The following SPPL3 variants were observed in gnomAD, a reference collection of about 807,000 sequenced individuals.
SPPL3 encodes signal peptide peptidase-like 3.
SPPL3 carries 5 observed loss-of-function variants against 42.4 expected under a neutral mutation model. The ratio of observed to expected loss-of-function variants is 0.12; its 90% CI spans 0.06 to 0.25. The LOEUF (loss-of-function observed/expected upper bound fraction) is 0.25, where lower values mean the gene tolerates loss of function less well. SPPL3 is among the 10% of genes least tolerant of loss of function. The pLI is 1.00. For missense variants in SPPL3, 235 were observed against 489.0 expected, an observed-to-expected ratio of 0.48 and a Z score of 4.90; for synonymous variants, 195 against 181.8, an observed-to-expected ratio of 1.07 and a Z score of -0.58.
intron 2 of SPPL3, among the ~76,000 whole-genome samples, chr12:120,806,477 T>C (rs1293813414): frequency 1.3e-5 from 2 of 152,120 alleles, no homozygotes; most frequent in African/African-American, 4.8e-5. Context: ...AATTTGTACC[T>C]CATGCCATAC....
rs966130768 is a variant in SPPL3, at chr12:120,903,906, G to T, written c.-39C>A. On this transcript the variant is annotated 5_prime_UTR_variant, in exon 1 of 11. Coordinates refer to ENST00000353487, the MANE Select transcript of SPPL3 (RefSeq NM_139015.5). ...GTGGGCTCCGCTGCAGGCTGTGGCC[G>T]GGCCCGGCGGCGGCGGGCTCGCTCG... The T allele has an allele frequency of 7.5e-7, 1 of 1,341,428 alleles. No homozygotes were observed. The highest frequency in any genetic ancestry group is 9.5e-7 in the Non-Finnish European group (1 of 1,048,182). 83.1% of individuals were successfully genotyped at this position (1,341,428 alleles called of 1,614,324 possible). A position where few individuals can be genotyped will look rare whatever the true frequency, so the allele number is the denominator to read the frequency against.
At chr12:120,789,936 G>A (rs1429180898) in intron 3 of SPPL3, among the ~76,000 whole-genome samples, 1 of 150,468 alleles carries the variant, frequency 6.6e-6, no homozygotes, top group African/African-American at 2.5e-5. Flanking sequence ...GGTAAACTTA[G>A]ACATAATAAT....
intron 1 of SPPL3, among the ~76,000 whole-genome samples, chr12:120,852,105 C>T (rs201979442): frequency 6.6e-6 from 1 of 151,990 alleles, no homozygotes; most frequent in East Asian, 1.9e-4. Context: ...GTGATACCCA[C>T]GAGTTTGAAC....
intron 1 of SPPL3, among the ~76,000 whole-genome samples, chr12:120,894,716 CGGGT>C (rs1873747431): frequency 6.6e-6 from 1 of 151,418 alleles, no homozygotes; most frequent in Non-Finnish European, 1.5e-5. Context: ...GAGGCCGAGG[CGGGT>C]GGATCACCTG....
chr12:120,861,615 T>C (rs534077596), intron 1 of SPPL3, among the ~76,000 whole-genome samples: 7 of 152,254 alleles, frequency 4.6e-5, no homozygotes, highest in Non-Finnish European at 8.8e-5. Context: ...TTGAAACGCA[T>C]CCTAGCAGCG....
At chr12:120,895,022 A>G (rs1320592834) in intron 1 of SPPL3, among the ~76,000 whole-genome samples, 6 of 152,198 alleles carry the variant, frequency 3.9e-5, no homozygotes, top group African/African-American at 1.4e-4. Flanking sequence ...AGAAAACCGT[A>G]CCATGCATTC....
chr12:120,836,530 G>C (rs1008395730), intron 1 of SPPL3, among the ~76,000 whole-genome samples: 1 of 147,016 alleles, frequency 6.8e-6, no homozygotes, highest in Non-Finnish European at 1.5e-5. Flanking sequence ...GACACCACAC[G>C]GGACAAAGAC....
chr12:120,807,162 C>A (rs1005644344), intron 2 of SPPL3, among the ~76,000 whole-genome samples: 3 of 152,086 alleles, frequency 2.0e-5, no homozygotes, highest in African/African-American at 7.2e-5. Context: ...GGAAAAGATG[C>A]TCATCAACTT....
chr12:120,858,864 G>A (rs1055276998), intron 1 of SPPL3, among the ~76,000 whole-genome samples: 4 of 152,166 alleles, frequency 2.6e-5, no homozygotes, highest in Admixed American at 6.5e-5. Flanking sequence ...AATGTGAGCC[G>A]AGAATTTATA....
At chr12:120,885,124 A>G (rs1470474761) in intron 1 of SPPL3, among the ~76,000 whole-genome samples, 2 of 152,210 alleles carry the variant, frequency 1.3e-5, no homozygotes, top group African/African-American at 2.4e-5. Context: ...AAACTCAACT[A>G]AAAGACATTT....
intron 2 of SPPL3, among the ~76,000 whole-genome samples, chr12:120,806,092 A>G (rs1039419696): frequency 2.0e-5 from 3 of 151,620 alleles, no homozygotes; most frequent in Non-Finnish European, 2.9e-5. Context: ...AAAATTTGTA[A>G]AAGAACAACA....
intron 9 of SPPL3, 122 bp from the exon 10 acceptor site, chr12:120,766,494 G>A: frequency 1.4e-6 from 1 of 699,604 alleles, no homozygotes; most frequent in Non-Finnish European, 2.2e-6. Flanking sequence ...TGGTTGGGGT[G>A]TGAAATGCCC....
At position 120,904,054 on chromosome 12, in the gene SPPL3, C is replaced by G. The variant is rs1320418733; in HGVS notation, c.-187G>C. ...GAGAGGCCGGGCTCCGAAGCGGCCCCGCTCCCTGGGCCCCGGGGCGGGGCG... is the reference window on the plus strand; with the variant it reads ...GAGAGGCCGGGCTCCGAAGCGGCCCGGCTCCCTGGGCCCCGGGGCGGGGCG... On this transcript the variant is annotated 5_prime_UTR_variant, in exon 1 of 11. Transcript: ENST00000353487. The G allele has an allele frequency of 5.5e-6, 2 of 363,970 alleles. No individual in the cohort carries two copies. Among genetic ancestry groups the G allele is most frequent in the Non-Finnish European group, 9.4e-6 (2 of 212,478 alleles). The allele number at this position is 363,970 out of a possible 1,614,324, so 22.5% of individuals were successfully genotyped here.
intron 1 of SPPL3, among the ~76,000 whole-genome samples, chr12:120,821,855 C>T (rs891626659): frequency 1.5e-4 from 23 of 152,176 alleles, no homozygotes; most frequent in East Asian, 3.9e-4. Context: ...AAGTGTCTAT[C>T]GGTGAATGAA....
rs58246859 is a variant in SPPL3, at chr12:120,853,983, TACACACACACACAC to T, written c.24-43111_24-43098del. Among the ~76,000 whole-genome samples the T allele has an allele frequency of 9.5e-4, 124 of 130,296 alleles. 1 individual carries two copies. Among genetic ancestry groups the T allele is most frequent in the African/African-American group, 3.1e-3 (103 of 33,668 alleles). 85.5% of individuals were successfully genotyped at this position (130,296 alleles called of 152,430 possible). ...CACCACCACCACACACACGCACACATACACACACACACACACACACACACACACACACACACACA... is the reference window on the plus strand; with the variant it reads ...CACCACCACCACACACACGCACACATACACACACACACACACACACACACA... On this transcript the variant is annotated intron_variant, in intron 1 of 10. Coordinates refer to ENST00000353487, the MANE Select transcript of SPPL3 (RefSeq NM_139015.5).
intron 1 of SPPL3, among the ~76,000 whole-genome samples, chr12:120,843,146 G>A (rs1274727799): frequency 6.6e-6 from 1 of 152,148 alleles, no homozygotes; most frequent in African/African-American, 2.4e-5. Flanking sequence ...AGGGCTACAT[G>A]TCTGGGTTCA....
intron 1 of SPPL3, among the ~76,000 whole-genome samples, chr12:120,850,759 G>C (rs1435148813): frequency 6.6e-6 from 1 of 152,318 alleles, no homozygotes; most frequent in African/African-American, 2.4e-5. Context: ...TTCCCTGTGA[G>C]GGCTCTGAGG....
Position 120,767,489 on chromosome 12 carries a change from C to T in SPPL3, c.878G>A (p.Ser293Asn), listed in dbSNP as rs1162013267. Reference sequence around the variant, plus strand: ...TCCAGGGGCCCCACAGGAGTCCCCACTGGCTTGCTTTTTGTAGTTGTCATA... The same window carrying T: ...TCCAGGGGCCCCACAGGAGTCCCCATTGGCTTGCTTTTTGTAGTTGTCATA... ...LRYDNYKKQASGDSCGAPGPA... is the reference protein window; with the variant it reads ...LRYDNYKKQANGDSCGAPGPA... The change falls in exon 9 of 11, where the codon AGT (serine) becomes AAT (asparagine). Residue 293 changes from serine (S) to asparagine (N), a missense_variant. By Grantham distance (46) the Ser-to-Asn change is conservative (BLOSUM62 1). Coordinates refer to ENST00000353487, the MANE Select transcript of SPPL3 (RefSeq NM_139015.5). 1.9e-6 allele frequency: 3 copies of T among 1,614,082 alleles called. No homozygotes were observed. The East Asian group carries it at 6.7e-5, about 36-fold the overall frequency.
rs1446471093 is a variant in SPPL3, at chr12:120,762,842, T to G, written c.*2157A>C. The G allele has an allele frequency of 6.6e-6, 1 of 152,274 alleles. No homozygotes were observed. The highest frequency in any genetic ancestry group is 1.5e-5 in the Non-Finnish European group (1 of 68,094). 9.4% of individuals were successfully genotyped at this position (152,274 alleles called of 1,614,324 possible). A position where few individuals can be genotyped will look rare whatever the true frequency, so the allele number is the denominator to read the frequency against. ...CTCCCAACCTTGTGATCCACCTGCC[T>G]CGGCCTCCCAAAGTGCTGGGATTAC... is the stretch of plus-strand genomic sequence containing the variant. On this transcript the variant is annotated 3_prime_UTR_variant, in exon 11 of 11. Coordinates refer to ENST00000353487, the MANE Select transcript of SPPL3 (RefSeq NM_139015.5).
Sources: allele counts gnomAD v4.1 joint callset (sites outside exome capture counted in the v4.1 genomes callset), GRCh38; gene constraint gnomAD v4.1.1; transcripts MANE v1.5; gene names NCBI Gene and HGNC (gene_info 2026-07-23, HGNC 2026-07-21).